The following NAV1 variants were observed in gnomAD, a reference collection of about 807,000 sequenced individuals.
NAV1 encodes neuron navigator 1.
In NAV1, 18 loss-of-function variants were observed where a neutral mutation model predicts 175.2. The observed-to-expected ratio is 0.10, with a 90% CI of 0.07 to 0.15. The LOEUF (loss-of-function observed/expected upper bound fraction) is 0.15, where lower values mean the gene tolerates loss of function less well. Ranked by LOEUF, NAV1 falls within the 10% of genes least tolerant of loss-of-function variation. The pLI, the probability that NAV1 is intolerant of heterozygous loss-of-function variation, is 1.00. For synonymous variants in NAV1, 897 were observed against 978.7 expected (o/e 0.92, Z 1.56); for missense variants, 1,731 against 2,436.6 (o/e 0.71, Z 6.10).
chr1:201,692,796 C>T (rs1355964967), intron 1 of NAV1, among the ~76,000 whole-genome samples: 3 of 152,194 alleles, frequency 2.0e-5, no homozygotes, highest in Non-Finnish European at 4.4e-5. Flanking sequence ...GCCTGTGCCT[C>T]CAGGGAGTCA....
At chr1:201,815,130 A>T (rs1379777314) in intron 28 of NAV1, among the ~76,000 whole-genome samples, 1 of 152,164 alleles carries the variant, frequency 6.6e-6, no homozygotes, top group African/African-American at 2.4e-5. Context: ...TTGTAGGGTC[A>T]TGAGGTTTGT....
chr1:201,801,902 G>A (rs1019985777), intron 15 of NAV1, among the ~76,000 whole-genome samples: 29 of 151,648 alleles, frequency 1.9e-4, no homozygotes, highest in African/African-American at 5.6e-4. Context: ...TTGGGAGGCC[G>A]AGGCAAGTGG....
intron 2 of NAV1, among the ~76,000 whole-genome samples, chr1:201,593,101 A>C (rs2102216872): frequency 6.6e-6 from 1 of 152,270 alleles, no homozygotes; most frequent in South Asian, 2.1e-4. Context: ...GGCAGGTGGA[A>C]GTTTTGATAT....
At chr1:201,644,841 A>G (rs1668921618), upstream of NAV1, among the ~76,000 whole-genome samples, 1 of 152,210 alleles carries the variant, frequency 6.6e-6, no homozygotes, top group African/African-American at 2.4e-5. Flanking sequence ...GCATGAGACA[A>G]GGTACAGAGG....
At chr1:201,681,401 A>G (rs1670455497) in intron 1 of NAV1, among the ~76,000 whole-genome samples, 1 of 152,224 alleles carries the variant, frequency 6.6e-6, no homozygotes, top group Non-Finnish European at 1.5e-5. Context: ...GACTTTGTAT[A>G]CTAATGGGGT....
intron 3 of NAV1, among the ~76,000 whole-genome samples, chr1:201,730,279 C>A (rs1266711556): frequency 6.6e-6 from 1 of 152,246 alleles, no homozygotes; most frequent in Non-Finnish European, 1.5e-5. Flanking sequence ...TTCTTCCCCC[C>A]TCCAATTTAC....
intron 1 of NAV1, among the ~76,000 whole-genome samples, chr1:201,696,321 A>T (rs1671189979): frequency 6.6e-6 from 1 of 152,176 alleles, no homozygotes; most frequent in African/African-American, 2.4e-5. Context: ...GAATGATCTG[A>T]TTAGGCAGTC....
At chr1:201,602,751 T>G (rs994860387) in intron 2 of NAV1, among the ~76,000 whole-genome samples, 4 of 151,408 alleles carry the variant, frequency 2.6e-5, no homozygotes, top group African/African-American at 9.7e-5. Flanking sequence ...AGAGCTGCTC[T>G]TGGCTGGGGC....
At position 201,786,063 on chromosome 1, in the gene NAV1, G is replaced by T. The variant is rs528240738; in HGVS notation, c.2847-366G>T. Reference sequence around the variant, plus strand: ...CCACCTCAGCCTCCCAAAGTGCTGGGATTACAGGCATGAGCCACTGTGCCT... The same window carrying T: ...CCACCTCAGCCTCCCAAAGTGCTGGTATTACAGGCATGAGCCACTGTGCCT... On this transcript the variant is annotated intron_variant, in intron 8 of 29. Coordinates refer to ENST00000367296, the Ensembl canonical transcript of NAV1. 7.9e-5 allele frequency among the ~76,000 whole-genome samples: 12 copies of T among 152,196 alleles called. No homozygotes were observed. In the South Asian group the frequency reaches 2.5e-3, roughly 32 times the overall value.
chr1:201,704,880 C>G (rs1423676209), intron 1 of NAV1, among the ~76,000 whole-genome samples: 7 of 152,208 alleles, frequency 4.6e-5, no homozygotes, highest in African/African-American at 1.7e-4. Context: ...ATCCTCTACT[C>G]CCACTCCCAT....
intron 1 of NAV1, among the ~76,000 whole-genome samples, chr1:201,708,664 G>C (rs752317956): frequency 6.6e-6 from 1 of 152,162 alleles, no homozygotes; most frequent in South Asian, 2.1e-4. Context: ...AAGGTGCCAC[G>C]TAAGATGGGA....
In NAV1 at chr1:201,810,298, G is replaced by A. The variant is rs1678607640; in HGVS notation, c.4561+193G>A. ...TGGCTCCCAGGGACACTTTTGCTAA[G>A]CCTTGGCTTCTTGCTTCACTCCTCA... On this transcript the variant is annotated intron_variant, in intron 23 of 29. Coordinates refer to ENST00000367296, the Ensembl canonical transcript of NAV1. This position sits in a 1 kb window ranked among gnomAD's most constrained non-coding sequence, Gnocchi z 6.0. 6.6e-6 allele frequency among the ~76,000 whole-genome samples: 1 copy of A among 152,056 alleles called. No homozygotes were observed. Among genetic ancestry groups the A allele is most frequent in the Non-Finnish European group, 1.5e-5 (1 of 68,000 alleles).
chr1:201,810,387 C>G lies in NAV1; in HGVS notation c.4562-136C>G, dbSNP rs1678611566. ...GTTTTCAAAACTAGGGGTTAAGGGA[C>G]TCTTATGGAACCATGGGGCAAGTGG... On this transcript the variant is annotated intron_variant, in intron 23 of 29. Coordinates refer to ENST00000367296, the Ensembl canonical transcript of NAV1. This position sits in a 1 kb window ranked among gnomAD's most constrained non-coding sequence, Gnocchi z 6.0. 1.1e-6 allele frequency: 1 copy of G among 873,960 alleles called. No individual in the cohort carries two copies. Among genetic ancestry groups the G allele is most frequent in the African/African-American group, 1.7e-5 (1 of 58,730 alleles). The allele number at this position is 873,960 out of a possible 1,614,324, so 54.1% of individuals were successfully genotyped here. A position where few individuals can be genotyped will look rare whatever the true frequency, so the allele number is the denominator to read the frequency against.
In NAV1 at chr1:201,747,659, C is replaced by T. The variant is rs969950534; in HGVS notation, c.1226+28904C>T. On this transcript the variant is annotated intron_variant, in intron 3 of 29. Coordinates refer to ENST00000367296, the Ensembl canonical transcript of NAV1. ...ATCAGATCCCTGGAAATGGATGCCT[C>T]ACTCTTGTCTGGAAAAAGTTCCCTA... Among the ~76,000 whole-genome samples, 3 of 152,190 alleles carry T rather than the reference C, an allele frequency of 2.0e-5. No homozygotes were observed. In the East Asian group the frequency reaches 5.8e-4, roughly 29 times the overall value.
intron 13 of NAV1, 36 bp from the exon 18 acceptor site, chr1:201,793,756 A>G (rs760463854): frequency 6.3e-7 from 1 of 1,592,244 alleles, no homozygotes. Flanking sequence ...CCCCAGCCTT[A>G]TGCAACTTAG....
chr1:201,642,675 CCTCT>C (rs1036134745), intron 2 of NAV1, among the ~76,000 whole-genome samples: 9 of 117,516 alleles, frequency 7.7e-5, no homozygotes, highest in African/African-American at 3.4e-4. Flanking sequence ...TCCTTCCCTC[CCTCT>C]CTTTCTTCCC....
At chr1:201,752,957 C>G (rs1171438975) in intron 3 of NAV1, among the ~76,000 whole-genome samples, 1 of 151,976 alleles carries the variant, frequency 6.6e-6, no homozygotes, top group Non-Finnish European at 1.5e-5. Flanking sequence ...TAGTTTTGCA[C>G]TGTTATTGGA....
Position 201,696,690 on chromosome 1 carries a change from G to T in NAV1, c.758-16127G>T, listed in dbSNP as rs149823297. ...AGTCAGGAAGGGCCTCCTGGCGTCCGCCTCTGTTGTCTTTTTGGTCATGTA... is the reference window on the plus strand; with the variant it reads ...AGTCAGGAAGGGCCTCCTGGCGTCCTCCTCTGTTGTCTTTTTGGTCATGTA... On this transcript the variant is annotated intron_variant, in intron 1 of 29. Coordinates refer to ENST00000367296, the Ensembl canonical transcript of NAV1. Among the ~76,000 whole-genome samples the T allele has an allele frequency of 4.9e-4, 75 of 152,298 alleles. No individual in the cohort carries two copies. The East Asian group carries it at 0.013, about 27-fold the overall frequency.
intron 1 of NAV1, among the ~76,000 whole-genome samples, chr1:201,566,802 T>TC (rs1239305708): frequency 6.6e-6 from 1 of 152,112 alleles, no homozygotes; most frequent in African/African-American, 2.4e-5. Context: ...CTAGGTTGTT[T>TC]TTTTTTTTAA....
Sources: gnomAD v4.1 joint callset for allele counts (sites outside exome capture counted in the v4.1 genomes callset) on GRCh38, gnomAD v4.1.1 for gene constraint, Gnocchi (gnomAD v3.1) non-coding constraint, MANE v1.5 for transcripts, NCBI Gene and HGNC (gene_info 2026-07-23, HGNC 2026-07-21) for gene names.